The following OAS2 variants were observed in gnomAD, a reference collection of about 807,000 sequenced individuals.
OAS2 encodes the protein 2'-5'-oligoadenylate synthetase 2, also known as 2'-5'-oligoadenylate synthase 2.
A neutral mutation model predicts 71.3 loss-of-function variants in OAS2; 67 were observed. The observed-to-expected ratio is 0.94, with a 90% CI of 0.77 to 1.15. The LOEUF (loss-of-function observed/expected upper bound fraction) is 1.15, where lower values mean the gene tolerates loss of function less well. OAS2 is among the 50% of genes most tolerant of loss of function. OAS2 has a pLI of 0.00. For missense variants in OAS2, 789 were observed against 822.5 expected (o/e 0.96, Z 0.50); for synonymous variants, 327 against 321.8 (o/e 1.02, Z -0.17).
At chr12:112,980,174 C>T (rs759614018) in intron 1 of OAS2, among the ~76,000 whole-genome samples, 20 of 152,096 alleles carry the variant, frequency 1.3e-4, no homozygotes, top group Non-Finnish European at 2.6e-4. Context: ...GATATTTGGA[C>T]ACATGGATAC....
intron 5 of OAS2, 88 bp downstream of exon 5, chr12:112,998,498 T>A: frequency 7.0e-7 from 1 of 1,434,470 alleles, no homozygotes; most frequent in Non-Finnish European, 9.5e-7. Flanking sequence ...GAGTACTCTA[T>A]ATTCGTTTCC....
At chr12:113,005,929 A>ACC (rs1565997545) in intron 7 of OAS2, among the ~76,000 whole-genome samples, 4 of 136,810 alleles carry the variant, frequency 2.9e-5, no homozygotes, top group Non-Finnish European at 6.4e-5. Flanking sequence ...AAAAAAAAAA[A>ACC]AAAAAAAAAA....
intron 3 of OAS2, among the ~76,000 whole-genome samples, chr12:112,996,492 T>C (rs2044233443): frequency 6.6e-6 from 1 of 151,856 alleles, no homozygotes; most frequent in African/African-American, 2.4e-5. Context: ...AAGATGTGAG[T>C]TTCAGGCATA....
At chr12:112,996,283 T>A (rs1476889833) in intron 3 of OAS2, among the ~76,000 whole-genome samples, 1 of 152,218 alleles carries the variant, frequency 6.6e-6, no homozygotes, top group East Asian at 1.9e-4. Context: ...ACATGTCTTT[T>A]TGTGAATGTA....
rs565012707 is a variant in OAS2, at chr12:113,001,509, CAT to C, written c.1009-1413_1009-1412del. ...ACACATATATATACACATCTATACA[CAT>C]ATATATATACACATATATATATATA... On this transcript the variant is annotated intron_variant, in intron 5 of 9. Transcript: ENST00000392583. 4.8e-3 allele frequency among the ~76,000 whole-genome samples: 697 copies of C among 146,576 alleles called. 2 individuals are homozygous for C. Among genetic ancestry groups the C allele is most frequent in the Middle Eastern group, 0.021 (6 of 280 alleles).
intron 2 of OAS2, among the ~76,000 whole-genome samples, chr12:112,993,172 C>G (rs772960216): frequency 6.6e-6 from 1 of 152,206 alleles, no homozygotes; most frequent in Non-Finnish European, 1.5e-5. Context: ...ATTAGCCTAA[C>G]TAATCTGGCC....
In OAS2 at chr12:112,997,506, T is replaced by A; in HGVS notation, c.628-14T>A. Reference sequence around the variant, plus strand: ...GATCCCCCAATGAGCTGCTACCCTTTCCTTATCCCACAGTGCCAGAAAAAA... The same window carrying A: ...GATCCCCCAATGAGCTGCTACCCTTACCTTATCCCACAGTGCCAGAAAAAA... On this transcript the variant is annotated splice_polypyrimidine_tract_variant and intron_variant, in intron 3 of 9. Transcript: ENST00000392583. The A allele has an allele frequency of 6.2e-7, 1 of 1,610,140 alleles. No homozygotes were observed. Among genetic ancestry groups the A allele is most frequent in the Non-Finnish European group, 8.5e-7 (1 of 1,177,048 alleles).
In OAS2 at chr12:113,010,406, G is replaced by A. The variant is rs773939495; in HGVS notation, c.*1151G>A. On this transcript the variant is annotated 3_prime_UTR_variant, in exon 10 of 10. Coordinates refer to ENST00000392583, the MANE Select transcript of OAS2 (RefSeq NM_002535.3). The stretch of plus-strand genomic sequence containing the variant: ...AGACACCAGGAAGTTGTGGAGCTAG[G>A]ATCCATCCTATTGTCAATGAGATGT... The A allele has an allele frequency of 6.2e-7, 1 of 1,613,824 alleles. No individual in the cohort carries two copies. The highest frequency in any genetic ancestry group is 1.1e-5 in the South Asian group (1 of 91,044).
In OAS2 at chr12:112,995,436, A is replaced by T; in HGVS notation, c.589A>T (p.Lys197Ter). ...TTTTGACAACCGTCCTGGAAAACTA[A>T]AGGATTTGATCCTCTTGATAAAGCA... ...KFFDNRPGKL[K>*]DLILLIKHWH... Residue 197 changes from lysine to a stop codon, truncating the protein, a stop_gained, in exon 3 of 10, where the codon AAG becomes TAG. Transcript: ENST00000392583. LOFTEE classifies it high-confidence loss of function. 1 of 1,614,154 alleles carries T rather than the reference A, an allele frequency of 6.2e-7. No individual in the cohort carries two copies. The highest frequency in any genetic ancestry group is 8.5e-7 in the Non-Finnish European group (1 of 1,179,998).
At chr12:113,005,497 A>AGATC (rs2044323782) in intron 7 of OAS2, among the ~76,000 whole-genome samples, 1 of 151,842 alleles carries the variant, frequency 6.6e-6, no homozygotes. Context: ...TTGCAGTGCG[A>AGATC]GATCGTGCCA....
intron 5 of OAS2, among the ~76,000 whole-genome samples, chr12:112,998,792 T>C (rs1293754): frequency 0.79 from 120,543 of 152,184 alleles, 48,799 homozygotes; most frequent in East Asian, 1. Context: ...TCTTATCATC[T>C]CCTCTTCTTC....
chr12:113,002,678 A>G (rs2044299573), intron 5 of OAS2, among the ~76,000 whole-genome samples: 1 of 152,226 alleles, frequency 6.6e-6, no homozygotes, highest in Non-Finnish European at 1.5e-5. Context: ...ACAAGGATCC[A>G]GATCTCTCCT....
chr12:112,995,417 C>T lies in OAS2; in HGVS notation c.570C>T (p.Asp190=). 1 of 1,614,126 alleles carries T rather than the reference C, an allele frequency of 6.2e-7. No homozygotes were observed. The highest frequency in any genetic ancestry group is 8.5e-7 in the Non-Finnish European group (1 of 1,179,994). ...CFTELQQKFF[D]NRPGKLKDLI... ...CTGAACTCCAGCAGAAGTTTTTTGA[C>T]AACCGTCCTGGAAAACTAAAGGATT... Residue 190 remains aspartate, a synonymous_variant, in exon 3 of 10, where the codon GAC becomes GAT. Transcript: ENST00000392583.
At chr12:112,989,049 G>T (rs2044166990) in intron 2 of OAS2, among the ~76,000 whole-genome samples, 2 of 152,198 alleles carry the variant, frequency 1.3e-5, no homozygotes. Flanking sequence ...ACGTGGTATG[G>T]TTTGGCTGTG....
At chr12:112,985,783 C>A (rs2044129318) in intron 1 of OAS2, among the ~76,000 whole-genome samples, 1 of 152,180 alleles carries the variant, frequency 6.6e-6, no homozygotes, top group South Asian at 2.1e-4. Flanking sequence ...AGTCACTTCT[C>A]CAATTTTATT....
chr12:112,982,283 T>G (rs1321378961), intron 1 of OAS2, among the ~76,000 whole-genome samples: 1 of 152,190 alleles, frequency 6.6e-6, no homozygotes, highest in Non-Finnish European at 1.5e-5. Flanking sequence ...CCTTTCCCAA[T>G]TCAGTATGAT....
chr12:113,000,717 A>G (rs1189989978), intron 5 of OAS2, among the ~76,000 whole-genome samples: 1 of 152,050 alleles, frequency 6.6e-6, no homozygotes, highest in Non-Finnish European at 1.5e-5. Context: ...CCATGCACAC[A>G]CATGCACTCA....
chr12:113,005,197 T>C lies in OAS2; in HGVS notation c.1443T>C (p.Asp481=), dbSNP rs1321609843. 6.2e-7 allele frequency: 1 copy of C among 1,613,940 alleles called. No individual in the cohort carries two copies. Among genetic ancestry groups the C allele is most frequent in the Non-Finnish European group, 8.5e-7 (1 of 1,179,902 alleles). The stretch of plus-strand genomic sequence containing the variant: ...TCCTCAACGAAAGTGTCAGCTTTGA[T>C]GTGCTTCCTGCCTTTAATGCACTGG... The part of the protein sequence containing the change: ...SKVLNESVSF[D]VLPAFNALGQ... The change falls in exon 7 of 10, where the codon GAT becomes GAC. Residue 481 remains aspartate, a synonymous_variant. Coordinates refer to ENST00000392583, the MANE Select transcript of OAS2 (RefSeq NM_002535.3).
Position 113,006,574 on chromosome 12 carries a change from C to T in OAS2, c.1630C>T (p.Arg544Cys), listed in dbSNP as rs1387011544. 12 of 1,607,842 alleles carry T rather than the reference C, an allele frequency of 7.5e-6. No individual in the cohort carries two copies. Among genetic ancestry groups the T allele is most frequent in the Admixed American group, 5.0e-5 (3 of 59,744 alleles). ...SRPTKLKDLI[R>C]LVKHWYKECE... Reference sequence around the variant, plus strand: ...GCCCACCAAACTAAAGGATTTAATTCGCCTGGTGAAGCACTGGTACAAAGA... The same window carrying T: ...GCCCACCAAACTAAAGGATTTAATTTGCCTGGTGAAGCACTGGTACAAAGA... The change falls in exon 8 of 10, where the codon CGC (arginine) becomes TGC (cysteine). Residue 544 changes from arginine to cysteine, a missense_variant. Coordinates refer to ENST00000392583, the MANE Select transcript of OAS2 (RefSeq NM_002535.3).
Sources: allele counts gnomAD v4.1 joint callset (sites outside exome capture counted in the v4.1 genomes callset), GRCh38; gene constraint gnomAD v4.1.1; transcripts MANE v1.5; gene names NCBI Gene and HGNC (gene_info 2026-07-23, HGNC 2026-07-21).